EXOC6: variants seen among roughly 807,000 people sequenced by gnomAD.
EXOC6 encodes the protein SEC15-like 1.
In EXOC6, 60 loss-of-function variants were observed where a neutral mutation model predicts 112.5. That is an observed-to-expected ratio of 0.53 (90% CI 0.43 to 0.66). The LOEUF (loss-of-function observed/expected upper bound fraction) is 0.66. Ranked by LOEUF, EXOC6 falls within the 30% of genes least tolerant of loss-of-function variation. EXOC6 has a pLI of 0.00. For synonymous variants in EXOC6, 295 were observed against 308.0 expected, an observed-to-expected ratio of 0.96 and a Z score of 0.44; for missense variants, 855 against 957.1, an observed-to-expected ratio of 0.89 and a Z score of 1.41.
chr10:92,837,095 A>G (rs913513021), intron 1 of EXOC6, among the ~76,000 whole-genome samples: 2 of 63,854 alleles, frequency 3.1e-5, no homozygotes, highest in Non-Finnish European at 6.5e-5. Flanking sequence ...TGGTTATAAC[A>G]TAACACACAC....
intron 20 of EXOC6, among the ~76,000 whole-genome samples, chr10:93,038,472 T>A (rs7096857): frequency 0.38 from 57,644 of 152,054 alleles, 12,432 homozygotes; most frequent in East Asian, 0.78. Flanking sequence ...TATCTTCTAA[T>A]CCTATTTTAC....
intron 20 of EXOC6, among the ~76,000 whole-genome samples, 194 bp downstream of exon 20, chr10:93,014,461 G>C (rs1844409470): frequency 6.6e-6 from 1 of 152,050 alleles, no homozygotes; most frequent in Non-Finnish European, 1.5e-5. Context: ...CAACTTCATA[G>C]AGCATTCTCA....
chr10:92,845,348 T>C (rs1385088725), upstream of EXOC6, among the ~76,000 whole-genome samples: 1 of 151,422 alleles, frequency 6.6e-6, no homozygotes, highest in Non-Finnish European at 1.5e-5. Flanking sequence ...AGGGAAGGAG[T>C]GTGAGACCAG....
intron 6 of EXOC6, among the ~76,000 whole-genome samples, chr10:92,909,835 C>T (rs573078037): frequency 6.6e-6 from 1 of 152,240 alleles, no homozygotes; most frequent in East Asian, 1.9e-4. Context: ...ATCAGTCTAA[C>T]ATGAATTCTT....
At chr10:92,965,162 T>A (rs920227140) in intron 17 of EXOC6, among the ~76,000 whole-genome samples, 2 of 152,158 alleles carry the variant, frequency 1.3e-5, no homozygotes, top group African/African-American at 4.8e-5. Context: ...GAATGGACAA[T>A]AGACAGTAAA....
At chr10:92,873,274 A>C (rs2133732803) in intron 1 of EXOC6, among the ~76,000 whole-genome samples, 1 of 152,312 alleles carries the variant, frequency 6.6e-6, no homozygotes, top group Admixed American at 6.5e-5. Context: ...GATGTTCATT[A>C]ATGATCATCA....
At chr10:92,885,296 T>A (rs564445233) in intron 1 of EXOC6, among the ~76,000 whole-genome samples, 1 of 152,130 alleles carries the variant, frequency 6.6e-6, no homozygotes, top group Non-Finnish European at 1.5e-5. Context: ...ACATTCCGAG[T>A]TGCTAAAATT....
intron 17 of EXOC6, among the ~76,000 whole-genome samples, chr10:92,968,687 C>T (rs537917157): frequency 6.6e-6 from 1 of 152,170 alleles, no homozygotes; most frequent in African/African-American, 2.4e-5. Flanking sequence ...TATAAGAAAA[C>T]TAATTTGTTT....
rs11443044 is a variant in EXOC6 at position 92,921,245 on chromosome 10, C to CTTT, written c.888+1209_888+1211dup. On this transcript the variant is annotated intron_variant, in intron 8 of 21. Coordinates refer to ENST00000260762, the MANE Select transcript of EXOC6 (RefSeq NM_019053.6). ...ACCATTTCATTTCCTTTGTCATTTC[C>CTTT]TTTTTTTTTTTTTTTTGTGCTGGAG... Among the ~76,000 whole-genome samples the CTTT allele has an allele frequency of 2.3e-3, 271 of 115,756 alleles. 4 individuals are homozygous for CTTT. The highest frequency in any genetic ancestry group is 5.2e-3 in the African/African-American group (151 of 28,904). 75.9% of individuals were successfully genotyped at this position (115,756 alleles called of 152,430 possible). A position where few individuals can be genotyped will look rare whatever the true frequency, so the allele number is the denominator to read the frequency against.
intron 19 of EXOC6, among the ~76,000 whole-genome samples, chr10:93,002,636 A>AT (rs1232019982): frequency 2.0e-5 from 3 of 152,284 alleles, no homozygotes; most frequent in African/African-American, 7.2e-5. Context: ...TCAGAACCTT[A>AT]TGGGTACCTT....
intron 19 of EXOC6, among the ~76,000 whole-genome samples, chr10:93,013,936 C>A (rs1335618088): frequency 1.3e-5 from 2 of 152,080 alleles, no homozygotes; most frequent in Admixed American, 6.6e-5. Flanking sequence ...AGTAAGAAAA[C>A]CCTCCTAAAT....
intron 8 of EXOC6, among the ~76,000 whole-genome samples, chr10:92,920,856 A>T (rs1477438420): frequency 6.6e-6 from 1 of 152,040 alleles, no homozygotes; most frequent in African/African-American, 2.4e-5. Flanking sequence ...CTTTCTTCAT[A>T]ATATTTTTTG....
chr10:92,930,116 T>C (rs1408213980), intron 9 of EXOC6, among the ~76,000 whole-genome samples: 1 of 152,196 alleles, frequency 6.6e-6, no homozygotes, highest in Non-Finnish European at 1.5e-5. Flanking sequence ...TATTGAATAC[T>C]CCACCCCGGA....
At chr10:92,895,136 C>T in intron 4 of EXOC6, 116 bp downstream of exon 4, 1 of 687,078 alleles carries the variant, frequency 1.5e-6, no homozygotes, top group South Asian at 1.7e-5. Context: ...TGCCTCACAA[C>T]AAAGACCATG....
intron 17 of EXOC6, among the ~76,000 whole-genome samples, chr10:92,959,389 A>G (rs1329817510): frequency 6.6e-6 from 1 of 152,216 alleles, no homozygotes; most frequent in Non-Finnish European, 1.5e-5. Context: ...ATGCAAAATG[A>G]TAAAACCCCT....
intron 1 of EXOC6, among the ~76,000 whole-genome samples, chr10:92,839,859 G>T (rs2133585087): frequency 6.6e-6 from 1 of 152,138 alleles, no homozygotes; most frequent in Non-Finnish European, 1.5e-5. Flanking sequence ...GGGCGGGGGT[G>T]GATGTCTAAA....
chr10:93,037,840 C>T (rs1445986613), intron 20 of EXOC6, among the ~76,000 whole-genome samples: 11 of 150,354 alleles, frequency 7.3e-5, no homozygotes, highest in Admixed American at 3.3e-4. Context: ...TCACGAGGTC[C>T]GGAGATCGAG....
intron 18 of EXOC6, among the ~76,000 whole-genome samples, chr10:92,989,399 G>A (rs1343491974): frequency 6.6e-6 from 1 of 152,172 alleles, no homozygotes; most frequent in Admixed American, 6.5e-5. Context: ...CTGTATGAGA[G>A]TTTAGTAAAG....
chr10:92,851,677 A>C (rs112196306), intron 1 of EXOC6, among the ~76,000 whole-genome samples: 1,826 of 152,060 alleles, frequency 0.012, 19 homozygotes, highest in Non-Finnish European at 0.017. Flanking sequence ...AACAAACAAA[A>C]AAAAAACAAA....
Sources: gnomAD v4.1 joint callset for allele counts (sites outside exome capture counted in the v4.1 genomes callset) on GRCh38, gnomAD v4.1.1 for gene constraint, MANE v1.5 for transcripts, NCBI Gene and HGNC (gene_info 2026-07-23, HGNC 2026-07-21) for gene names.